The following TMEM40 variants were observed in gnomAD, a reference collection of about 807,000 sequenced individuals.
TMEM40 encodes transmembrane protein 40.
TMEM40 carries 34 observed loss-of-function variants against 40.8 expected under a neutral mutation model. That is an observed-to-expected ratio of 0.83 (90% CI 0.63 to 1.11). The LOEUF is 1.11. TMEM40 is among the 50% of genes least tolerant of loss of function. The pLI is 0.00. For synonymous variants in TMEM40, 106 were observed against 107.0 expected, an observed-to-expected ratio of 0.99 and a Z score of 0.06; for missense variants, 296 against 280.2, an observed-to-expected ratio of 1.06 and a Z score of -0.40.
chr3:12,741,665 A>G (rs1016208493), intron 5 of TMEM40, among the ~76,000 whole-genome samples: 1 of 152,198 alleles, frequency 6.6e-6, no homozygotes, highest in Non-Finnish European at 1.5e-5. Flanking sequence ...AAATACACAT[A>G]AACATAAAGG....
upstream of TMEM40, among the ~76,000 whole-genome samples, chr3:12,760,214 G>A (rs765892317): frequency 2.6e-5 from 4 of 151,738 alleles, no homozygotes; most frequent in African/African-American, 4.8e-5. Context: ...TCCCCGCCTC[G>A]CCCCTGGCTA....
At chr3:12,749,913 T>A (rs1175952741) in intron 1 of TMEM40, 73 bp from the exon 2 acceptor site, 3 of 1,360,066 alleles carry the variant, frequency 2.2e-6, no homozygotes, top group Admixed American at 2.2e-5. Context: ...GCTTGGCAAA[T>A]AAATAAGAAA....
chr3:12,755,261 T>C (rs889795945), intron 1 of TMEM40, among the ~76,000 whole-genome samples: 28 of 120,548 alleles, frequency 2.3e-4, no homozygotes, highest in African/African-American at 1.1e-3. Context: ...CTTTCTTTCT[T>C]TCTTTCTTTC....
At chr3:12,757,478 A>G (rs927748928) in intron 1 of TMEM40, among the ~76,000 whole-genome samples, 1 of 152,050 alleles carries the variant, frequency 6.6e-6, no homozygotes, top group Non-Finnish European at 1.5e-5. Flanking sequence ...TCAAAAAAAA[A>G]AAAAAAAAAG....
intron 1 of TMEM40, among the ~76,000 whole-genome samples, chr3:12,758,781 ACCCCT>A: frequency 6.6e-6 from 1 of 151,622 alleles, no homozygotes; most frequent in South Asian, 2.1e-4. Context: ...TTGCGGGAAC[ACCCCT>A]CCCCTCCTAA....
exon 1 of TMEM40, chr3:12,769,345 GC>G: frequency 3.6e-6 from 1 of 277,834 alleles, no homozygotes; most frequent in Non-Finnish European, 8.1e-6. Context: ...CTCAAGTGCG[GC>G]CAGAGTGGGC....
At chr3:12,745,955 C>T (rs1370336554) in intron 3 of TMEM40, among the ~76,000 whole-genome samples, 4 of 151,314 alleles carry the variant, frequency 2.6e-5, no homozygotes, top group South Asian at 2.1e-4. Flanking sequence ...TGGAGTGCAG[C>T]GGTGCAATCT....
At chr3:12,755,193 TCC>T (rs1415798967) in intron 1 of TMEM40, among the ~76,000 whole-genome samples, 2,188 of 97,126 alleles carry the variant, frequency 0.023, 45 homozygotes, top group African/African-American at 0.071. Flanking sequence ...CTTCCTTCCT[TCC>T]TTCCTTTCTT....
At chr3:12,741,955 G>A (rs2061386082) in intron 5 of TMEM40, among the ~76,000 whole-genome samples, 1 of 152,140 alleles carries the variant, frequency 6.6e-6, no homozygotes, top group Non-Finnish European at 1.5e-5. Context: ...AAATTGGCCG[G>A]GCGCGGTGGC....
At position 12,734,735 on chromosome 3, in the gene TMEM40, A is replaced by C. The variant is rs2061325859; in HGVS notation, c.*39T>G. On this transcript the variant is annotated 3_prime_UTR_variant, in exon 12 of 12. Transcript: ENST00000314124. ...GGGCTCAGGGGTCGCAGTGGTGGTC[A>C]CACTGGGGCCTGCCTCTGCTGCCCA... 6.3e-7 allele frequency: 1 copy of C among 1,580,982 alleles called. No individual in the cohort carries two copies. The highest frequency in any genetic ancestry group is 8.6e-7 in the Non-Finnish European group (1 of 1,165,020).
chr3:12,744,304 C>T (rs747611378), intron 3 of TMEM40, among the ~76,000 whole-genome samples: 1 of 152,186 alleles, frequency 6.6e-6, no homozygotes, highest in African/African-American at 2.4e-5. Flanking sequence ...TTCCATCCCA[C>T]CAAGTGCAGG....
At chr3:12,752,833 A>G (rs12330226) in intron 1 of TMEM40, among the ~76,000 whole-genome samples, 6,950 of 151,950 alleles carry the variant, frequency 0.046, 435 homozygotes, top group African/African-American at 0.14. Flanking sequence ...AAAGAAAGAA[A>G]CTTGTCCAGG....
chr3:12,766,140 A>G (rs943869067), intron 1 of TMEM40, among the ~76,000 whole-genome samples: 5 of 151,502 alleles, frequency 3.3e-5, no homozygotes, highest in Non-Finnish European at 2.9e-5. Flanking sequence ...GATTACAGGC[A>G]TGAGCCACTG....
rs144025674 is a variant in TMEM40, at chr3:12,736,687, C to T, written c.545-35G>A. 7.6e-4 allele frequency: 1,231 copies of T among 1,613,456 alleles called. 1 individual carries two copies. Among genetic ancestry groups the T allele is most frequent in the Middle Eastern group, 9.9e-4 (6 of 6,062 alleles). On this transcript the variant is annotated intron_variant, in intron 9 of 11. Transcript: ENST00000314124. ...CAGTGAGGGAGGGAATGGTCAGCCT[C>T]CAGGTCTTGACGCCCCTGCCCCCTG...
intron 1 of TMEM40, among the ~76,000 whole-genome samples, chr3:12,768,397 T>A (rs933034593): frequency 2.6e-5 from 4 of 152,170 alleles, no homozygotes; most frequent in African/African-American, 9.7e-5. Context: ...ACTCACATCC[T>A]GCTGATTGGT....
chr3:12,750,403 A>G (rs1221273008), intron 1 of TMEM40, among the ~76,000 whole-genome samples: 6 of 152,166 alleles, frequency 3.9e-5, no homozygotes, highest in African/African-American at 1.4e-4. Flanking sequence ...GGCCTCACAC[A>G]CAGAGCCACC....
chr3:12,763,224 G>C (rs142532443), upstream of TMEM40, among the ~76,000 whole-genome samples: 14 of 148,170 alleles, frequency 9.4e-5, no homozygotes, highest in African/African-American at 3.2e-4. Flanking sequence ...CAAAAAAACT[G>C]TTCATTACCT....
chr3:12,746,251 C>T (rs979523814), intron 3 of TMEM40, among the ~76,000 whole-genome samples: 7 of 149,338 alleles, frequency 4.7e-5, no homozygotes, highest in East Asian at 1.9e-4. Flanking sequence ...GAAAGATTCA[C>T]TGTTCATTGC....
chr3:12,736,385 G>A (rs912604010), intron 10 of TMEM40, among the ~76,000 whole-genome samples, 193 bp downstream of exon 10: 8 of 152,002 alleles, frequency 5.3e-5, no homozygotes, highest in Non-Finnish European at 8.8e-5. Context: ...CCTAACCTCA[G>A]GTGATCCACA....
Sources: gnomAD v4.1 joint callset for allele counts (sites outside exome capture counted in the v4.1 genomes callset) on GRCh38, gnomAD v4.1.1 for gene constraint, MANE v1.5 for transcripts, NCBI Gene and HGNC (gene_info 2026-07-23, HGNC 2026-07-21) for gene names.